PLEKHA5: variants seen among roughly 807,000 people sequenced by gnomAD.
PLEKHA5 encodes the protein pleckstrin homology domain containing A5, also known as pleckstrin homology domain-containing family A member 5.
A neutral mutation model predicts 181.9 loss-of-function variants in PLEKHA5; 55 were observed. The ratio of observed to expected loss-of-function variants is 0.30; its 90% CI spans 0.24 to 0.38. The LOEUF is 0.38. Among genes scored for constraint, PLEKHA5 ranks in the 10% least tolerant of loss-of-function variants. The pLI is 1.00. For missense variants in PLEKHA5, 1,432 were observed against 1,549.5 expected (o/e 0.92, Z 1.27); for synonymous variants, 535 against 529.4 (o/e 1.01, Z -0.15).
chr12:19,242,450 A>G (rs2062825299), intron 3 of PLEKHA5, among the ~76,000 whole-genome samples: 1 of 152,152 alleles, frequency 6.6e-6, no homozygotes, highest in Admixed American at 6.5e-5. Flanking sequence ...CATTTTGGCC[A>G]GAGTGGTCTC....
intron 3 of PLEKHA5, chr12:19,207,518 T>C (rs1268610615): frequency 6.6e-6 from 1 of 152,180 alleles, no homozygotes; most frequent in Non-Finnish European, 1.5e-5. Flanking sequence ...GGAACACTTA[T>C]TTCCTTAATT....
At chr12:19,207,542 G>T (rs1265328363) in intron 3 of PLEKHA5, 4 of 152,102 alleles carry the variant, frequency 2.6e-5, no homozygotes, top group Non-Finnish European at 5.9e-5. Flanking sequence ...ATGAATCTCA[G>T]TAGTGCTTAA....
Position 19,129,735 on chromosome 12 carries a change from T to G in PLEKHA5, c.-65T>G. On this transcript the variant is annotated 5_prime_UTR_variant, in exon 1 of 32. Transcript: ENST00000429027. Reference sequence around the variant, plus strand: ...CTCCGCGCTCCCTTCGCTCGCTCGTTCCCTCCTCCCTCGGCAGCCGCGGCG... The same window carrying G: ...CTCCGCGCTCCCTTCGCTCGCTCGTGCCCTCCTCCCTCGGCAGCCGCGGCG... The G allele has an allele frequency of 7.7e-7, 1 of 1,291,214 alleles. No homozygotes were observed. The highest frequency in any genetic ancestry group is 1.1e-6 in the Non-Finnish European group (1 of 912,718). 80.0% of individuals were successfully genotyped at this position (1,291,214 alleles called of 1,614,324 possible).
At chr12:19,312,553 A>G (rs817620) in intron 15 of PLEKHA5, among the ~76,000 whole-genome samples, 13,141 of 152,242 alleles carry the variant, frequency 0.086, 745 homozygotes, top group Admixed American at 0.17. Context: ...CATAAACCTC[A>G]TGAACCAAAC....
intron 3 of PLEKHA5, chr12:19,152,147 T>G (rs1189415322): frequency 6.6e-6 from 1 of 152,092 alleles, no homozygotes; most frequent in Non-Finnish European, 1.5e-5. Flanking sequence ...ATTACAGGCG[T>G]GAGCCACCGC....
chr12:19,249,022 A>G (rs1466232795), intron 3 of PLEKHA5, among the ~76,000 whole-genome samples: 1 of 152,200 alleles, frequency 6.6e-6, no homozygotes, highest in Admixed American at 6.5e-5. Flanking sequence ...GCTTTATGAT[A>G]CATTTTAATT....
chr12:19,299,272 A>C (rs2080795369), intron 15 of PLEKHA5, among the ~76,000 whole-genome samples: 2 of 152,234 alleles, frequency 1.3e-5, no homozygotes, highest in Non-Finnish European at 2.9e-5. Context: ...CTGAAAATGG[A>C]AAAATCATGA....
intron 20 of PLEKHA5, among the ~76,000 whole-genome samples, chr12:19,329,512 C>T (rs2092633839): frequency 6.6e-6 from 1 of 152,092 alleles, no homozygotes; most frequent in South Asian, 2.1e-4. Flanking sequence ...AATTTCAGAA[C>T]TCAATATTGG....
Position 19,132,439 on chromosome 12 carries a change from A to T in PLEKHA5, c.216A>T (p.Arg72Ser). The change falls in exon 3 of 32, where the codon AGA becomes AGT. Residue 72 changes from arginine to serine, a missense_variant. Transcript: ENST00000429027. Reference sequence around the variant, plus strand: ...AAGCATATACTTTTGAAGGTGCAAGATACTATATAAAGTGAGTTTTTTGAC... The same window carrying T: ...AAGCATATACTTTTGAAGGTGCAAGTTACTATATAAAGTGAGTTTTTTGAC... Reference protein sequence around the residue: ...WEEAYTFEGARYYINHNERKV... With the variant: ...WEEAYTFEGASYYINHNERKV... 6.4e-7 allele frequency: 1 copy of T among 1,552,270 alleles called. No individual in the cohort carries two copies. Among genetic ancestry groups the T allele is most frequent in the Non-Finnish European group, 8.8e-7 (1 of 1,134,916 alleles).
chr12:19,367,960 G>A (rs2095477336), intron 30 of PLEKHA5, among the ~76,000 whole-genome samples: 1 of 152,008 alleles, frequency 6.6e-6, no homozygotes, highest in South Asian at 2.1e-4. Context: ...CCCTTTTGCA[G>A]AAGAGTAAGA....
intron 3 of PLEKHA5, among the ~76,000 whole-genome samples, chr12:19,194,988 AT>A (rs1467379463): frequency 1.3e-5 from 2 of 152,316 alleles, no homozygotes; most frequent in South Asian, 2.1e-4. Flanking sequence ...GCTACCGTCT[AT>A]TGGGCATTTA....
chr12:19,259,640 A>G (rs1040424347), intron 6 of PLEKHA5, among the ~76,000 whole-genome samples: 9 of 151,684 alleles, frequency 5.9e-5, no homozygotes, highest in African/African-American at 2.2e-4. Context: ...AATCCTAGCT[A>G]CTCGGGAGGC....
intron 3 of PLEKHA5, chr12:19,201,530 T>C (rs1161587066): frequency 6.6e-6 from 1 of 152,106 alleles, no homozygotes; most frequent in African/African-American, 2.4e-5. Flanking sequence ...TACTAAAATG[T>C]TGATAGCATT....
Position 19,343,354 on chromosome 12 carries a change from T to C in PLEKHA5, c.2582T>C (p.Ile861Thr). ...TESAGIQRAQ[I>T]QKELWRIQDV... ...TCAGCAGGAATTCAGCGTGCACAGA[T>C]TCAGAAAGAACTTTGGCGAATTCAG... is the stretch of plus-strand genomic sequence containing the variant. The change falls in exon 22 of 32, where the codon ATT becomes ACT. Residue 861 changes from isoleucine (I) to threonine (T), a missense_variant. Physicochemically the swap from Ile to Thr is moderately conservative, Grantham distance 89. Coordinates refer to ENST00000429027, the MANE Select transcript of PLEKHA5 (RefSeq NM_001256470.2). The C allele has an allele frequency of 6.2e-7, 1 of 1,613,756 alleles. No homozygotes were observed. The highest frequency in any genetic ancestry group is 1.1e-5 in the South Asian group (1 of 91,068).
chr12:19,230,352 G>A (rs552788860), intron 3 of PLEKHA5, among the ~76,000 whole-genome samples: 19 of 152,318 alleles, frequency 1.2e-4, no homozygotes, highest in South Asian at 6.2e-4. Flanking sequence ...GTCCCATGCC[G>A]TGCGCCCGCA....
intron 3 of PLEKHA5, among the ~76,000 whole-genome samples, chr12:19,146,260 G>C (rs2038892784): frequency 6.6e-6 from 1 of 152,140 alleles, no homozygotes; most frequent in South Asian, 2.1e-4. Flanking sequence ...GTATCTTCTT[G>C]TTTGAATTTA....
At chr12:19,197,726 GTGTGTGTT>G (rs1430067700) in intron 3 of PLEKHA5, among the ~76,000 whole-genome samples, 64 of 108,520 alleles carry the variant, frequency 5.9e-4, no homozygotes, top group African/African-American at 2.1e-3. Flanking sequence ...GTGTGTGTGT[GTGTGTGTT>G]TAAGTCGCCT....
At chr12:19,274,085 T>A (rs1183892746) in intron 10 of PLEKHA5, among the ~76,000 whole-genome samples, 1 of 152,206 alleles carries the variant, frequency 6.6e-6, no homozygotes, top group Non-Finnish European at 1.5e-5. Context: ...GATTTCCTGT[T>A]GCAGCCATTT....
chr12:19,325,748 C>T (rs2091950796), intron 20 of PLEKHA5, among the ~76,000 whole-genome samples: 1 of 151,634 alleles, frequency 6.6e-6, no homozygotes, highest in Non-Finnish European at 1.5e-5. Flanking sequence ...GTGGCTCAAG[C>T]CTGTAATCTT....
Sources: gnomAD v4.1 joint callset for allele counts (sites outside exome capture counted in the v4.1 genomes callset) on GRCh38, gnomAD v4.1.1 for gene constraint, MANE v1.5 for transcripts, NCBI Gene and HGNC (gene_info 2026-07-23, HGNC 2026-07-21) for gene names.